The following GPR39 variants were observed in gnomAD, a reference collection of about 807,000 sequenced individuals.
GPR39 encodes zinc sensing receptor.
A neutral mutation model predicts 18.4 loss-of-function variants in GPR39; 23 were observed. The observed-to-expected ratio is 1.25, with a 90% CI of 0.90 to 1.77. The LOEUF (loss-of-function observed/expected upper bound fraction) is 1.77. Among genes scored for constraint, GPR39 ranks in the 40% most tolerant of loss-of-function variants. The pLI, the probability that GPR39 is intolerant of heterozygous loss-of-function variation, is 0.00. For synonymous variants in GPR39, 280 were observed against 257.9 expected, an observed-to-expected ratio of 1.09 and a Z score of -0.82; for missense variants, 647 against 602.4, an observed-to-expected ratio of 1.07 and a Z score of -0.78.
intron 1 of GPR39, among the ~76,000 whole-genome samples, chr2:132,487,853 A>C (rs1681373327): frequency 6.6e-6 from 1 of 152,190 alleles, no homozygotes; most frequent in Non-Finnish European, 1.5e-5. Context: ...AGAATATTGG[A>C]AAAGAGGCAA....
chr2:132,503,910 C>G (rs1019537862), intron 1 of GPR39, among the ~76,000 whole-genome samples: 8 of 152,198 alleles, frequency 5.3e-5, no homozygotes, highest in African/African-American at 1.9e-4. Context: ...TCACCCTGCT[C>G]CAAGCAGCCT....
At chr2:132,519,564 G>A (rs548229561) in intron 1 of GPR39, among the ~76,000 whole-genome samples, 5 of 152,316 alleles carry the variant, frequency 3.3e-5, no homozygotes, top group African/African-American at 1.2e-4. Flanking sequence ...TTACTGCAAA[G>A]TAGGAGATGT....
At chr2:132,473,043 T>C (rs1440686840) in intron 1 of GPR39, among the ~76,000 whole-genome samples, 1 of 152,136 alleles carries the variant, frequency 6.6e-6, no homozygotes, top group Admixed American at 6.5e-5. Flanking sequence ...CTTGTGCCAC[T>C]GCCTGAACCT....
intron 1 of GPR39, among the ~76,000 whole-genome samples, chr2:132,567,842 T>C (rs1419618016): frequency 6.6e-6 from 1 of 151,870 alleles, no homozygotes; most frequent in East Asian, 1.9e-4. Context: ...CTCATGATAG[T>C]AAGTTTCACG....
At chr2:132,635,966 G>A (rs1054933004) in intron 1 of GPR39, among the ~76,000 whole-genome samples, 2 of 152,146 alleles carry the variant, frequency 1.3e-5, no homozygotes, top group African/African-American at 2.4e-5. Context: ...CGGCTGGCAC[G>A]TTGATCTGGG....
chr2:132,458,952 C>T (rs964122211), intron 1 of GPR39, among the ~76,000 whole-genome samples: 1 of 152,146 alleles, frequency 6.6e-6, no homozygotes, highest in Non-Finnish European at 1.5e-5. Context: ...CCATTTTCAC[C>T]TGTTTCTCAG....
chr2:132,435,343 A>G (rs1573600673), intron 1 of GPR39, among the ~76,000 whole-genome samples: 2 of 152,268 alleles, frequency 1.3e-5, no homozygotes, highest in African/African-American at 4.8e-5. Context: ...GATGAGGATG[A>G]AGACCTTTAT....
At chr2:132,617,071 C>T (rs562273576) in intron 1 of GPR39, among the ~76,000 whole-genome samples, 6 of 152,300 alleles carry the variant, frequency 3.9e-5, no homozygotes, top group South Asian at 2.1e-4. Context: ...AATAGTGCAA[C>T]GTAGCCTTGG....
At chr2:132,526,869 CAG>C (rs1156668189) in intron 1 of GPR39, among the ~76,000 whole-genome samples, 3 of 152,216 alleles carry the variant, frequency 2.0e-5, no homozygotes, top group Non-Finnish European at 4.4e-5. Context: ...AGGTGACTAA[CAG>C]AGGGTGTTCA....
intron 1 of GPR39, among the ~76,000 whole-genome samples, chr2:132,421,044 C>A (rs1006405201): frequency 6.6e-6 from 1 of 152,140 alleles, no homozygotes; most frequent in African/African-American, 2.4e-5. Context: ...AATATTTGTC[C>A]GATGTCAGAA....
At chr2:132,456,305 T>A (rs1185765960) in intron 1 of GPR39, among the ~76,000 whole-genome samples, 1 of 436 alleles carries the variant, frequency 2.3e-3, no homozygotes, top group Non-Finnish European at 0.031. Context: ...CAACCCCTGC[T>A]TTTTTTTTTT....
At chr2:132,587,254 CCAAA>C (rs1680745891) in intron 1 of GPR39, among the ~76,000 whole-genome samples, 1 of 152,164 alleles carries the variant, frequency 6.6e-6, no homozygotes, top group Non-Finnish European at 1.5e-5. Flanking sequence ...AAAAGTATCT[CCAAA>C]CAAACAAAAG....
At chr2:132,594,225 G>T (rs979710923) in intron 1 of GPR39, among the ~76,000 whole-genome samples, 5 of 152,082 alleles carry the variant, frequency 3.3e-5, no homozygotes, top group Admixed American at 1.3e-4. Context: ...AAGTGACCCT[G>T]GGAAGGCATT....
intron 1 of GPR39, among the ~76,000 whole-genome samples, chr2:132,437,020 G>A (rs10084365): frequency 0.4 from 60,203 of 151,994 alleles, 12,921 homozygotes; most frequent in African/African-American, 0.58. Flanking sequence ...ATTGAAACAC[G>A]GAGAGTTTAA....
intron 1 of GPR39, among the ~76,000 whole-genome samples, chr2:132,570,393 CATCCTTATTTT>C (rs1199808421): frequency 6.6e-6 from 1 of 152,058 alleles, no homozygotes; most frequent in Non-Finnish European, 1.5e-5. Flanking sequence ...CTGTTTTAAT[CATCCTTATTTT>C]ATCCTTATAT....
chr2:132,529,098 C>G (rs1237418768), intron 1 of GPR39, among the ~76,000 whole-genome samples: 1 of 152,162 alleles, frequency 6.6e-6, no homozygotes, highest in Non-Finnish European at 1.5e-5. Context: ...AGGGAATTCC[C>G]TTTCCTAGTC....
intron 1 of GPR39, among the ~76,000 whole-genome samples, chr2:132,539,511 C>T (rs1013729214): frequency 2.6e-5 from 4 of 152,118 alleles, no homozygotes; most frequent in Admixed American, 2.6e-4. Flanking sequence ...ATTGTGGCCC[C>T]CACTATGCTA....
At chr2:132,633,364 G>A (rs1360076175) in intron 1 of GPR39, among the ~76,000 whole-genome samples, 1 of 150,994 alleles carries the variant, frequency 6.6e-6, no homozygotes, top group Non-Finnish European at 1.5e-5. Flanking sequence ...GTGTGTGTGT[G>A]TGTGTGTGTG....
intron 1 of GPR39, among the ~76,000 whole-genome samples, chr2:132,540,706 G>T (rs997902048): frequency 1.3e-5 from 2 of 152,136 alleles, no homozygotes; most frequent in African/African-American, 4.8e-5. Context: ...CAGCTGCAAG[G>T]GTGCTATTAA....
Sources: gnomAD v4.1 joint callset for allele counts (sites outside exome capture counted in the v4.1 genomes callset) on GRCh38, gnomAD v4.1.1 for gene constraint, MANE v1.5 for transcripts, NCBI Gene and HGNC (gene_info 2026-07-23, HGNC 2026-07-21) for gene names.